Variants in AGAP3 observed in about 807,000 individuals in gnomAD.
AGAP3 encodes arf-GAP with GTPase, ANK repeat and PH domain-containing protein 3.
Under a neutral mutation model 96.9 loss-of-function variants are expected in AGAP3, and 24 were observed. That is an observed-to-expected ratio of 0.25 (90% CI 0.18 to 0.35). The LOEUF (loss-of-function observed/expected upper bound fraction) is 0.35. Among genes scored for constraint, AGAP3 ranks in the 10% least tolerant of loss-of-function variants. AGAP3 has a pLI of 1.00. For synonymous variants in AGAP3, 563 were observed against 536.1 expected (o/e 1.05, Z -0.69); for missense variants, 876 against 1,254.2 (o/e 0.70, Z 4.55).
At chr7:151,101,280 G>C (rs1440581307) in intron 1 of AGAP3, among the ~76,000 whole-genome samples, 2 of 152,132 alleles carry the variant, frequency 1.3e-5, no homozygotes, top group Admixed American at 6.5e-5. Context: ...ACTTGAGGAA[G>C]CAGCTTGCAG....
At chr7:151,115,516 C>CCCGCA in intron 1 of AGAP3, 1 of 1,037,898 alleles carries the variant, frequency 9.6e-7, no homozygotes. Flanking sequence ...CCCGGCCGCC[C>CCCGCA]CCGCACCGCC....
At chr7:151,099,641 A>G (rs568241539) in intron 1 of AGAP3, among the ~76,000 whole-genome samples, 2 of 152,152 alleles carry the variant, frequency 1.3e-5, no homozygotes, top group African/African-American at 2.4e-5. Context: ...GATGAAGTGC[A>G]TGTGGGCCCG....
intron 1 of AGAP3, among the ~76,000 whole-genome samples, chr7:151,112,396 CGTGTGTGTGTGTGTGTGTGTGTGTGT>C (rs71819427): frequency 7.2e-6 from 1 of 139,848 alleles, no homozygotes; most frequent in African/African-American, 2.6e-5. Flanking sequence ...TTCCCCGAGA[CGTGTGTGTGTGTGTGTGTGTGTGTGT>C]GTGTGTGTGT....
At position 151,114,188 on chromosome 7, in the gene AGAP3, A is replaced by T. The variant is rs181533252; in HGVS notation, c.332-2605A>T. Among the ~76,000 whole-genome samples the T allele has an allele frequency of 3.9e-5, 6 of 152,374 alleles. No homozygotes were observed. Among genetic ancestry groups the T allele is most frequent in the Admixed American group, 3.9e-4 (6 of 15,308 alleles). On this transcript the variant is annotated intron_variant, in intron 1 of 17. Coordinates refer to ENST00000397238, the MANE Select transcript of AGAP3 (RefSeq NM_031946.7). This position sits in a 1 kb window ranked among gnomAD's most constrained non-coding sequence, Gnocchi z 4.4. ...CAGCAACTCTCGACCTCAGAATGTC[A>T]GAGCCGAAACTAAGACAGGACCACC... is the stretch of plus-strand genomic sequence containing the variant.
intron 1 of AGAP3, among the ~76,000 whole-genome samples, chr7:151,097,029 C>T (rs1056476430): frequency 1.3e-5 from 2 of 151,326 alleles, no homozygotes; most frequent in African/African-American, 4.9e-5. Context: ...AGGTGATCTG[C>T]CTACGTTGGC....
rs971225459 is a variant in AGAP3, at chr7:151,142,379, C to T, written c.2051-33C>T. On this transcript the variant is annotated intron_variant, in intron 15 of 17. Coordinates refer to ENST00000397238, the MANE Select transcript of AGAP3 (RefSeq NM_031946.7). The surrounding 1 kb of genome is among the most constrained non-coding windows in gnomAD (Gnocchi z 7.5). ...GTCCCGCGCTCTGGTGGCCTGCCTGCTGTCGCTGTATCATTCTCCTCTCCT... is the reference window on the plus strand; with the variant it reads ...GTCCCGCGCTCTGGTGGCCTGCCTGTTGTCGCTGTATCATTCTCCTCTCCT... 4.4e-6 allele frequency: 7 copies of T among 1,603,582 alleles called. No homozygotes were observed. The African/African-American group carries it at 6.7e-5, about 15-fold the overall frequency.
chr7:151,106,838 T>C (rs951597003), intron 1 of AGAP3, among the ~76,000 whole-genome samples: 1 of 152,210 alleles, frequency 6.6e-6, no homozygotes, highest in East Asian at 1.9e-4. Context: ...TCAGCCTGTC[T>C]GAATCTTTTA....
Position 151,114,758 on chromosome 7 carries a change from G to C in AGAP3, c.332-2035G>C. ...CTCGCCATGGGCCTGGCCCGCGCCC[G>C]CCGGCCCTGAGCATGGAGCGGGGCT... On this transcript the variant is annotated intron_variant, in intron 1 of 17. Transcript: ENST00000397238. The surrounding 1 kb of genome is among the most constrained non-coding windows in gnomAD (Gnocchi z 4.4). The C allele has an allele frequency of 9.8e-7, 1 of 1,018,294 alleles. No homozygotes were observed. 63.1% of individuals were successfully genotyped at this position (1,018,294 alleles called of 1,614,324 possible). A position where few individuals can be genotyped will look rare whatever the true frequency, so the allele number is the denominator to read the frequency against.
chr7:151,126,132 C>T (rs1800156628), intron 9 of AGAP3, among the ~76,000 whole-genome samples: 1 of 151,686 alleles, frequency 6.6e-6, no homozygotes, highest in Non-Finnish European at 1.5e-5. Flanking sequence ...TACAGCGGCT[C>T]CCTCGCCTCC....
rs1175202645 is a variant in AGAP3, at chr7:151,118,668, C to T, written c.969+36C>T. Reference sequence around the variant, plus strand: ...TGCCCCGCCCTGCCCTTCCTGTCCCCACCATGTCTGTCTTGCCTCTGTGCG... The same window carrying T: ...TGCCCCGCCCTGCCCTTCCTGTCCCTACCATGTCTGTCTTGCCTCTGTGCG... On this transcript the variant is annotated intron_variant, in intron 7 of 17. Coordinates refer to ENST00000397238, the MANE Select transcript of AGAP3 (RefSeq NM_031946.7). This position sits in a 1 kb window ranked among gnomAD's most constrained non-coding sequence, Gnocchi z 6.1. 3 of 1,602,926 alleles carry T rather than the reference C, an allele frequency of 1.9e-6. No homozygotes were observed. Among genetic ancestry groups the T allele is most frequent in the South Asian group, 2.2e-5 (2 of 90,740 alleles).
At chr7:151,102,928 A>T (rs994579713) in intron 1 of AGAP3, among the ~76,000 whole-genome samples, 34 of 152,204 alleles carry the variant, frequency 2.2e-4, no homozygotes, top group African/African-American at 8.0e-4. Flanking sequence ...AAAAATTTTT[A>T]AAAATTAGCC....
At chr7:151,119,761 G>A (rs769941896) in intron 7 of AGAP3, among the ~76,000 whole-genome samples, 3 of 152,186 alleles carry the variant, frequency 2.0e-5, no homozygotes, top group Non-Finnish European at 4.4e-5. Context: ...GCCCCAGGAC[G>A]AGGGTTTGCT....
rs978315044 is a variant in AGAP3, at chr7:151,143,103, C to T, written c.2274-238C>T. ...CGCATCCCCACTGTCCCCAGGGGGC[C>T]TCCCTTCAGTGTCCCTTCCTTTCAG... On this transcript the variant is annotated intron_variant, in intron 16 of 17. Coordinates refer to ENST00000397238, the MANE Select transcript of AGAP3 (RefSeq NM_031946.7). This position sits in a 1 kb window ranked among gnomAD's most constrained non-coding sequence, Gnocchi z 5.9. Among the ~76,000 whole-genome samples, 5 of 152,228 alleles carry T rather than the reference C, an allele frequency of 3.3e-5. No individual in the cohort carries two copies. The highest frequency in any genetic ancestry group is 1.2e-4 in the African/African-American group (5 of 41,464).
rs1800745262 is a variant in AGAP3 at position 151,139,674 on chromosome 7, C to T, written c.1667-305C>T. On this transcript the variant is annotated intron_variant, in intron 12 of 17. Transcript: ENST00000397238. The surrounding 1 kb of genome is among the most constrained non-coding windows in gnomAD (Gnocchi z 4.9). ...GTGCGGAGCTGCTGGGGCTTCAGCT[C>T]CCCGTGAGTTCCCTGGGCTGCCTTC... 1 of 258,324 alleles carries T rather than the reference C, an allele frequency of 3.9e-6. No individual in the cohort carries two copies. The highest frequency in any genetic ancestry group is 7.3e-6 in the Non-Finnish European group (1 of 137,032). The allele number at this position is 258,324 out of a possible 1,614,324, so 16.0% of individuals were successfully genotyped here. A position where few individuals can be genotyped will look rare whatever the true frequency, so the allele number is the denominator to read the frequency against.
chr7:151,098,914 T>C (rs1798722119), intron 1 of AGAP3, among the ~76,000 whole-genome samples: 1 of 151,616 alleles, frequency 6.6e-6, no homozygotes, highest in Non-Finnish European at 1.5e-5. Flanking sequence ...TTTTGTATTT[T>C]TAGTGGAGAC....
At position 151,109,747 on chromosome 7, in the gene AGAP3, A is replaced by AAAGCC. The variant is rs552979536; in HGVS notation, c.332-7041_332-7037dup. 3.9e-4 allele frequency among the ~76,000 whole-genome samples: 60 copies of AAAGCC among 152,338 alleles called. No individual in the cohort carries two copies. The South Asian group carries it at 0.012, about 29-fold the overall frequency. On this transcript the variant is annotated intron_variant, in intron 1 of 17. Transcript: ENST00000397238. ...AGATGGAGGGACCAGCCCAGGAATC[A>AAAGCC]AAGCCAAGCTGAGGGGGAGCTGCTA...
Position 151,138,110 on chromosome 7 carries a change from C to T in AGAP3, c.1496-33C>T, listed in dbSNP as rs895424729. The T allele has an allele frequency of 2.6e-6, 4 of 1,528,250 alleles. No homozygotes were observed. The East Asian group carries it at 7.1e-5, about 27-fold the overall frequency. 94.7% of individuals were successfully genotyped at this position (1,528,250 alleles called of 1,614,324 possible). The stretch of plus-strand genomic sequence containing the variant: ...CTTTGAGAATCCTCCCCTGCCCGGC[C>T]TCCCTTCCCAGTCTGACCCTTCCCG... On this transcript the variant is annotated intron_variant, in intron 11 of 17. Coordinates refer to ENST00000397238, the MANE Select transcript of AGAP3 (RefSeq NM_031946.7).
At chr7:151,105,784 C>A (rs990166164) in intron 1 of AGAP3, among the ~76,000 whole-genome samples, 1 of 47,200 alleles carries the variant, frequency 2.1e-5, no homozygotes, top group East Asian at 1.4e-3. Context: ...CCGCCCCCCC[C>A]CCCGACACCA....
In AGAP3 at chr7:151,114,948, G is replaced by C. The variant is rs1322501425; in HGVS notation, c.332-1845G>C. ...TGAGCAGCCGGCGCGGCCGCGGAGC[G>C]TGTGCTCGGGCGGCCCGGAGCCGCC... On this transcript the variant is annotated intron_variant, in intron 1 of 17. Coordinates refer to ENST00000397238, the MANE Select transcript of AGAP3 (RefSeq NM_031946.7). This position sits in a 1 kb window ranked among gnomAD's most constrained non-coding sequence, Gnocchi z 4.4. 5 of 983,668 alleles carry C rather than the reference G, an allele frequency of 5.1e-6. No homozygotes were observed. The highest frequency in any genetic ancestry group is 5.1e-4 in the Middle Eastern group (1 of 1,946). 60.9% of individuals were successfully genotyped at this position (983,668 alleles called of 1,614,324 possible). A position where few individuals can be genotyped will look rare whatever the true frequency, so the allele number is the denominator to read the frequency against.
Sources: gnomAD v4.1 joint callset for allele counts (sites outside exome capture counted in the v4.1 genomes callset) on GRCh38, gnomAD v4.1.1 for gene constraint, Gnocchi (gnomAD v3.1) non-coding constraint, MANE v1.5 for transcripts, NCBI Gene and HGNC (gene_info 2026-07-23, HGNC 2026-07-21) for gene names.